Variants in SLC39A11 observed in about 807,000 individuals in gnomAD.
SLC39A11 encodes the protein zinc transporter ZIP11.
Under a neutral mutation model 36.1 loss-of-function variants are expected in SLC39A11, and 33 were observed. The ratio of observed to expected loss-of-function variants is 0.91; its 90% confidence interval spans 0.69 to 1.22. The LOEUF is 1.22. Ranked by LOEUF, SLC39A11 falls within the 50% of genes most tolerant of loss-of-function variation. The pLI is 0.00. For missense variants in SLC39A11, 432 were observed against 430.3 expected (o/e 1.00, Z -0.03); for synonymous variants, 166 against 170.3 (o/e 0.97, Z 0.20).
At chr17:72,806,690 C>T (rs948846668) in intron 6 of SLC39A11, among the ~76,000 whole-genome samples, 23 of 152,316 alleles carry the variant, frequency 1.5e-4, no homozygotes, top group Non-Finnish European at 2.6e-4. Context: ...TCAAGTGATT[C>T]TCCCGCCTCA....
chr17:72,899,436 A>G (rs1420344569), intron 5 of SLC39A11, among the ~76,000 whole-genome samples: 1 of 152,088 alleles, frequency 6.6e-6, no homozygotes, highest in African/African-American at 2.4e-5. Context: ...GTGTTTCATC[A>G]TCATTTGAAG....
At chr17:72,763,954 G>A (rs974676762) in intron 6 of SLC39A11, among the ~76,000 whole-genome samples, 1 of 152,006 alleles carries the variant, frequency 6.6e-6, no homozygotes, top group Non-Finnish European at 1.5e-5. Flanking sequence ...TACCTCCCAG[G>A]ATCTTTGCAT....
chr17:73,049,006 C>A (rs2059410158), intron 3 of SLC39A11, among the ~76,000 whole-genome samples: 1 of 152,178 alleles, frequency 6.6e-6, no homozygotes. Context: ...TCATTCCCAG[C>A]AGCCCAGGGG....
intron 4 of SLC39A11, among the ~76,000 whole-genome samples, chr17:73,017,763 C>T (rs138543906): frequency 6.6e-6 from 1 of 152,156 alleles, no homozygotes; most frequent in East Asian, 1.9e-4. Flanking sequence ...GGACTGCTGA[C>T]ACAGCTGTAA....
intron 7 of SLC39A11, among the ~76,000 whole-genome samples, chr17:72,717,827 C>A (rs187420422): frequency 6.6e-6 from 1 of 152,300 alleles, no homozygotes; most frequent in Admixed American, 6.5e-5. Context: ...AGCTCTCCCT[C>A]GGAGTGACCC....
At chr17:72,666,302 C>G (rs182849652) in intron 7 of SLC39A11, among the ~76,000 whole-genome samples, 31 of 152,290 alleles carry the variant, frequency 2.0e-4, no homozygotes, top group Middle Eastern at 6.8e-3. Flanking sequence ...GCAAAACCAT[C>G]GCATTGTGCA....
At chr17:72,763,837 A>C (rs2075674445) in intron 6 of SLC39A11, among the ~76,000 whole-genome samples, 1 of 152,174 alleles carries the variant, frequency 6.6e-6, no homozygotes, top group African/African-American at 2.4e-5. Flanking sequence ...CTGAGTTTTG[A>C]CTTGGAGCTT....
chr17:73,044,961 T>C (rs950823438), intron 3 of SLC39A11, among the ~76,000 whole-genome samples: 2 of 151,906 alleles, frequency 1.3e-5, no homozygotes, highest in Non-Finnish European at 2.9e-5. Context: ...CCAAACTCAC[T>C]GGGCTGACAC....
chr17:72,938,623 T>A (rs1237769041), intron 5 of SLC39A11, among the ~76,000 whole-genome samples: 1 of 152,134 alleles, frequency 6.6e-6, no homozygotes, highest in Non-Finnish European at 1.5e-5. Context: ...AATAATAATA[T>A]GAAAAGCGCC....
Position 72,931,866 on chromosome 17 carries a change from G to C in SLC39A11, c.430+15886C>G, listed in dbSNP as rs538788117. 3.3e-5 allele frequency among the ~76,000 whole-genome samples: 5 copies of C among 152,226 alleles called. No homozygotes were observed. The East Asian group carries it at 5.8e-4, about 18-fold the overall frequency. ...GCTCTACAACTCGGTAGAGGCAAGG[G>C]GGAAGATGAACAAAGTCCACTGTGA... On this transcript the variant is annotated intron_variant, in intron 5 of 9. Transcript: ENST00000255559.
intron 6 of SLC39A11, among the ~76,000 whole-genome samples, chr17:72,803,292 A>G (rs1264556451): frequency 6.6e-6 from 1 of 152,204 alleles, no homozygotes; most frequent in Admixed American, 6.5e-5. Flanking sequence ...CACACACTTC[A>G]TCCAGCCTGT....
intron 7 of SLC39A11, among the ~76,000 whole-genome samples, chr17:72,714,768 G>A (rs760100627): frequency 3.0e-4 from 45 of 152,204 alleles, no homozygotes; most frequent in African/African-American, 8.2e-4. Flanking sequence ...TCAGGAAGGC[G>A]GATGACATGG....
At chr17:73,087,055 A>G (rs534091549) in intron 2 of SLC39A11, among the ~76,000 whole-genome samples, 2 of 151,696 alleles carry the variant, frequency 1.3e-5, no homozygotes, top group East Asian at 3.9e-4. Context: ...GACTCTGTCT[A>G]AAGAAAAAAA....
chr17:72,845,358 T>C (rs1294323076), intron 6 of SLC39A11, among the ~76,000 whole-genome samples: 1 of 152,254 alleles, frequency 6.6e-6, no homozygotes, highest in Non-Finnish European at 1.5e-5. Context: ...CAGTGGACTC[T>C]TGGCTACTCC....
intron 7 of SLC39A11, among the ~76,000 whole-genome samples, chr17:72,666,139 C>T (rs1031421734): frequency 2.0e-5 from 3 of 152,106 alleles, no homozygotes; most frequent in Non-Finnish European, 2.9e-5. Context: ...TTGGGCGACC[C>T]GTAAGTTCTT....
At position 72,653,909 on chromosome 17, in the gene SLC39A11, G is replaced by T. The variant is rs528926228; in HGVS notation, c.672-4641C>A. 4.6e-5 allele frequency among the ~76,000 whole-genome samples: 7 copies of T among 152,160 alleles called. No homozygotes were observed. In the East Asian group the frequency reaches 1.4e-3, roughly 29 times the overall value. ...CTGTAGCTTACATATCCTCCACATA[G>T]TCTTGATCTGTCCTAGTTCAACAGG... On this transcript the variant is annotated intron_variant, in intron 7 of 9. Coordinates refer to ENST00000255559, the MANE Select transcript of SLC39A11 (RefSeq NM_139177.4).
intron 7 of SLC39A11, among the ~76,000 whole-genome samples, chr17:72,716,693 G>C (rs2073381195): frequency 6.6e-6 from 1 of 152,178 alleles, no homozygotes; most frequent in Non-Finnish European, 1.5e-5. Context: ...TCAGAGCCCG[G>C]TGTGGTGGCT....
At chr17:72,855,821 C>A (rs879932275) in intron 5 of SLC39A11, among the ~76,000 whole-genome samples, 3 of 151,672 alleles carry the variant, frequency 2.0e-5, no homozygotes, top group Admixed American at 2.0e-4. Flanking sequence ...GGCGTGAACC[C>A]GGGAGGCGGA....
intron 6 of SLC39A11, among the ~76,000 whole-genome samples, chr17:72,740,451 T>C (rs550698985): frequency 6.6e-6 from 1 of 152,314 alleles, no homozygotes; most frequent in Non-Finnish European, 1.5e-5. Context: ...TACGTTTATG[T>C]TGTCTGTTTA....
Sources: allele counts gnomAD v4.1 joint callset (sites outside exome capture counted in the v4.1 genomes callset), GRCh38; gene constraint gnomAD v4.1.1; transcripts MANE v1.5; gene names NCBI Gene and HGNC (gene_info 2026-07-23, HGNC 2026-07-21).